The following MYL3 variants were observed in gnomAD, a reference collection of about 807,000 sequenced individuals.
MYL3 encodes CMLC1.
MYL3 carries 11 observed loss-of-function variants against 21.3 expected under a neutral mutation model. The ratio of observed to expected loss-of-function variants is 0.52; its 90% confidence interval spans 0.32 to 0.85. The LOEUF (loss-of-function observed/expected upper bound fraction) is 0.85, where lower values mean the gene tolerates loss of function less well. MYL3 is among the 40% of genes least tolerant of loss of function. MYL3 has a pLI of 0.03. For synonymous variants in MYL3, 88 were observed against 91.6 expected (o/e 0.96, Z 0.22); for missense variants, 206 against 253.3 (o/e 0.81, Z 1.27).
rs1450639571 is a variant in MYL3 at position 46,874,738 on chromosome 3, C to T, written c.-218+7336G>A. On this transcript the variant is annotated intron_variant, in intron 1 of 3. Coordinates refer to the MYL3 transcript ENST00000431168. The surrounding 1 kb of genome is among the most constrained non-coding windows in gnomAD (Gnocchi z 4.1). Reference sequence around the variant, plus strand: ...ATTCCGAGGCACAGACCCCCCCCCACACACACAATAGGGACGCACTAGGCT... The same window carrying T: ...ATTCCGAGGCACAGACCCCCCCCCATACACACAATAGGGACGCACTAGGCT... Among the ~76,000 whole-genome samples, 2 of 152,192 alleles carry T rather than the reference C, an allele frequency of 1.3e-5. No homozygotes were observed. Among genetic ancestry groups the T allele is most frequent in the Admixed American group, 1.3e-4 (2 of 15,282 alleles).
At chr3:46,878,042 C>T (rs2030335775) in intron 1 of MYL3, among the ~76,000 whole-genome samples, 1 of 152,228 alleles carries the variant, frequency 6.6e-6, no homozygotes, top group Non-Finnish European at 1.5e-5. Flanking sequence ...GACAGAAAGC[C>T]CATACCTCTA....
chr3:46,859,373 C>G lies in MYL3; in HGVS notation c.481+102G>C. On this transcript the variant is annotated intron_variant, in intron 4 of 6. Coordinates refer to ENST00000292327, the MANE Select transcript of MYL3 (RefSeq NM_000258.3). This position sits in a 1 kb window ranked among gnomAD's most constrained non-coding sequence, Gnocchi z 4.1. ...ATTGAGGCTCCCTAATTATGTAACT[C>G]TCTCCATTTCACCAATGGGTCACAG... 7 of 1,464,222 alleles carry G rather than the reference C, an allele frequency of 4.8e-6. No homozygotes were observed. The highest frequency in any genetic ancestry group is 6.7e-6 in the Non-Finnish European group (7 of 1,052,348). The allele number at this position is 1,464,222 out of a possible 1,614,324, so 90.7% of individuals were successfully genotyped here.
In MYL3 at chr3:46,859,373, C is replaced by T; in HGVS notation, c.481+102G>A. The T allele has an allele frequency of 6.8e-7, 1 of 1,464,222 alleles. No homozygotes were observed. The highest frequency in any genetic ancestry group is 9.5e-7 in the Non-Finnish European group (1 of 1,052,348). 90.7% of individuals were successfully genotyped at this position (1,464,222 alleles called of 1,614,324 possible). On this transcript the variant is annotated intron_variant, in intron 4 of 6. Transcript: ENST00000292327. The surrounding 1 kb of genome is among the most constrained non-coding windows in gnomAD (Gnocchi z 4.1). ...ATTGAGGCTCCCTAATTATGTAACT[C>T]TCTCCATTTCACCAATGGGTCACAG...
chr3:46,880,005 C>T (rs1029242327), intron 1 of MYL3, among the ~76,000 whole-genome samples: 4 of 152,152 alleles, frequency 2.6e-5, no homozygotes, highest in African/African-American at 9.7e-5. Flanking sequence ...CACCACTGCA[C>T]TCCAGCCTGG....
chr3:46,864,362 C>T (rs973561251), upstream of MYL3, among the ~76,000 whole-genome samples: 1 of 152,038 alleles, frequency 6.6e-6, no homozygotes, highest in East Asian at 1.9e-4. The surrounding 1 kb of genome is among the most constrained non-coding windows in gnomAD (Gnocchi z 4.7). Context: ...GGGCAGTCGC[C>T]CCAGGCCAGT....
chr3:46,875,573 G>A (rs952064069), intron 1 of MYL3, among the ~76,000 whole-genome samples: 11 of 152,230 alleles, frequency 7.2e-5, no homozygotes, highest in South Asian at 4.1e-4. Flanking sequence ...TGATGGCCTC[G>A]TGGCCATGGA....
intron 1 of MYL3, 140 bp downstream of exon 1, chr3:46,863,122 G>T: frequency 2.3e-6 from 3 of 1,289,472 alleles, no homozygotes; most frequent in Non-Finnish European, 3.3e-6. Context: ...AGCAGTCAGG[G>T]CTTGTCTGAC....
intron 4 of MYL3, 124 bp from the exon 5 acceptor site, chr3:46,858,585 A>G: frequency 1.1e-6 from 1 of 943,456 alleles, no homozygotes; most frequent in African/African-American, 1.6e-5. Flanking sequence ...AGCACTGTTC[A>G]CAAGACCTTG....
In MYL3 at chr3:46,863,418, T is replaced by A. The variant is rs376139990; in HGVS notation, c.-28A>T. ...GGGGCTGTAAGTACAGAGAGGGATG[T>A]GGAGAGAAGAATGCAGAAAGCAGGG... On this transcript the variant is annotated 5_prime_UTR_variant, in exon 1 of 7. Transcript: ENST00000292327. The A allele has an allele frequency of 3.1e-5, 50 of 1,611,740 alleles. No homozygotes were observed. Among genetic ancestry groups the A allele is most frequent in the Non-Finnish European group, 3.9e-5 (46 of 1,179,650 alleles).
chr3:46,858,471 G>A lies in MYL3; in HGVS notation c.482-10C>T, dbSNP rs567723663. 6.2e-7 allele frequency: 1 copy of A among 1,611,996 alleles called. No individual in the cohort carries two copies. ...TCTGTCAGCCTCTCACCTGGCAGGA[G>A]TGGGAGGCTGAGTCAGCACCGTGCG... is the stretch of plus-strand genomic sequence containing the variant. On this transcript the variant is annotated splice_polypyrimidine_tract_variant and intron_variant, in intron 4 of 6. Transcript: ENST00000292327.
chr3:46,881,686 G>C (rs560741228), intron 1 of MYL3, among the ~76,000 whole-genome samples: 8 of 152,160 alleles, frequency 5.3e-5, no homozygotes, highest in South Asian at 2.1e-4. Context: ...CGACAGGCCT[G>C]GGATGGGACT....
chr3:46,860,585 A>G lies in MYL3; in HGVS notation c.307+91T>C, dbSNP rs951949865. The G allele has an allele frequency of 2.8e-5, 43 of 1,557,516 alleles. No individual in the cohort carries two copies. Among genetic ancestry groups the G allele is most frequent in the Middle Eastern group, 2.2e-4 (1 of 4,448 alleles). Reference sequence around the variant, plus strand: ...GGGACAATGCGAGATGTCAGGAAAGATTCTCGTGCTATCCCGCAGGATGGA... The same window carrying G: ...GGGACAATGCGAGATGTCAGGAAAGGTTCTCGTGCTATCCCGCAGGATGGA... On this transcript the variant is annotated intron_variant, in intron 3 of 6. Coordinates refer to ENST00000292327, the MANE Select transcript of MYL3 (RefSeq NM_000258.3). This position sits in a 1 kb window ranked among gnomAD's most constrained non-coding sequence, Gnocchi z 4.6.
intron 1 of MYL3, among the ~76,000 whole-genome samples, chr3:46,880,745 G>A (rs902155738): frequency 6.7e-6 from 1 of 148,316 alleles, no homozygotes; most frequent in Non-Finnish European, 1.5e-5. Flanking sequence ...AGAAGAAGGA[G>A]AAGGAGAAGA....
chr3:46,866,950 G>A (rs1282678591), upstream of MYL3, among the ~76,000 whole-genome samples: 1 of 152,154 alleles, frequency 6.6e-6, no homozygotes, highest in Non-Finnish European at 1.5e-5. Context: ...GATGGGAACC[G>A]ACCTTTGGTT....
upstream of MYL3, among the ~76,000 whole-genome samples, chr3:46,865,249 G>A (rs924515077): frequency 1.3e-5 from 2 of 151,944 alleles, no homozygotes; most frequent in Admixed American, 6.6e-5. This position sits in a 1 kb window ranked among gnomAD's most constrained non-coding sequence, Gnocchi z 4.3. Context: ...ACCCACATCT[G>A]GAAATCTGAC....
At chr3:46,870,510 C>G (rs1042826111) in intron 1 of MYL3, among the ~76,000 whole-genome samples, 1 of 152,100 alleles carries the variant, frequency 6.6e-6, no homozygotes, top group Non-Finnish European at 1.5e-5. Context: ...CCCCACTCTG[C>G]CCCCGCCAGA....
At chr3:46,878,164 A>G (rs913075116) in intron 1 of MYL3, among the ~76,000 whole-genome samples, 1 of 152,176 alleles carries the variant, frequency 6.6e-6, no homozygotes, top group African/African-American at 2.4e-5. Context: ...CCAGGCAGCC[A>G]TGCTTCTGCT....
chr3:46,877,489 G>A (rs916580555), intron 1 of MYL3, among the ~76,000 whole-genome samples: 6 of 152,146 alleles, frequency 3.9e-5, no homozygotes, highest in Non-Finnish European at 7.4e-5. Flanking sequence ...GCACACACAC[G>A]TGTCTGGCAG....
chr3:46,866,194 C>A (rs575075633), upstream of MYL3, among the ~76,000 whole-genome samples: 2 of 152,330 alleles, frequency 1.3e-5, no homozygotes, highest in South Asian at 4.1e-4. Flanking sequence ...TCCCACATCC[C>A]AACCTGAGCT....
Sources: gnomAD v4.1 joint callset for allele counts (sites outside exome capture counted in the v4.1 genomes callset) on GRCh38, gnomAD v4.1.1 for gene constraint, Gnocchi (gnomAD v3.1) non-coding constraint, MANE v1.5 for transcripts, NCBI Gene and HGNC (gene_info 2026-07-23, HGNC 2026-07-21) for gene names.